Variants in ATP9A observed in about 807,000 individuals in gnomAD.
ATP9A encodes ATPase phospholipid transporting 9A, also known as probable phospholipid-transporting ATPase IIA.
A neutral mutation model predicts 144.1 loss-of-function variants in ATP9A; 52 were observed. That is an observed-to-expected ratio of 0.36 (90% CI 0.29 to 0.45). The LOEUF is 0.45. Among genes scored for constraint, ATP9A ranks in the 20% least tolerant of loss-of-function variants. The pLI is 1.00. For missense variants in ATP9A, 947 were observed against 1,392.7 expected, an observed-to-expected ratio of 0.68 and a Z score of 5.09; for synonymous variants, 582 against 557.4, an observed-to-expected ratio of 1.04 and a Z score of -0.62.
chr20:51,697,358 A>T, intron 5 of ATP9A, 66 bp downstream of exon 5: 1 of 1,467,052 alleles, frequency 6.8e-7, no homozygotes. Context: ...CGTCTACCAG[A>T]TACACAAATG....
At chr20:51,630,723 C>T (rs2077266656) in intron 15 of ATP9A, among the ~76,000 whole-genome samples, 7 of 152,132 alleles carry the variant, frequency 4.6e-5, no homozygotes, top group Admixed American at 3.3e-4. Flanking sequence ...GACTGCATCT[C>T]AGGTGCAAAT....
At chr20:51,671,075 C>G in intron 12 of ATP9A, 40 bp downstream of exon 12, 2 of 1,599,458 alleles carry the variant, frequency 1.3e-6, no homozygotes, top group Non-Finnish European at 1.7e-6. Flanking sequence ...GGCATCTTCT[C>G]TCACCAGGAA....
At chr20:51,692,620 G>A (rs148391668) in intron 7 of ATP9A, among the ~76,000 whole-genome samples, 1 of 152,240 alleles carries the variant, frequency 6.6e-6, no homozygotes, top group East Asian at 1.9e-4. Context: ...TGGCCAACAC[G>A]GTGAAACCGT....
intron 22 of ATP9A, among the ~76,000 whole-genome samples, chr20:51,614,343 C>T (rs1011852456): frequency 1.3e-5 from 2 of 152,130 alleles, no homozygotes; most frequent in Non-Finnish European, 2.9e-5. Flanking sequence ...CTCTGTCACG[C>T]AGGCTGGAGT....
intron 4 of ATP9A, among the ~76,000 whole-genome samples, chr20:51,699,163 G>A (rs2077582710): frequency 6.6e-6 from 1 of 151,976 alleles, no homozygotes; most frequent in African/African-American, 2.4e-5. Context: ...CAAACATGGT[G>A]AAATCCTGTC....
intron 3 of ATP9A, among the ~76,000 whole-genome samples, chr20:51,713,839 C>T (rs2077650317): frequency 6.6e-6 from 1 of 152,168 alleles, no homozygotes; most frequent in Admixed American, 6.5e-5. Context: ...GATTTCTCTG[C>T]CGGGAAGGAG....
At chr20:51,686,701 G>C (rs1012995552) in intron 9 of ATP9A, among the ~76,000 whole-genome samples, 3 of 152,162 alleles carry the variant, frequency 2.0e-5, no homozygotes, top group African/African-American at 7.2e-5. Context: ...TTGGGAGGCC[G>C]AGGCAGGTGG....
chr20:51,759,143 C>G (rs568831092), intron 1 of ATP9A, among the ~76,000 whole-genome samples: 2 of 152,352 alleles, frequency 1.3e-5, no homozygotes, highest in South Asian at 4.1e-4. Context: ...TGGGCGCTGG[C>G]AGAGGACAGA....
chr20:51,685,627 A>C (rs1453593450), intron 9 of ATP9A, among the ~76,000 whole-genome samples: 1 of 152,178 alleles, frequency 6.6e-6, no homozygotes, highest in Non-Finnish European at 1.5e-5. Flanking sequence ...GCTCATCATC[A>C]CTGGCCATCA....
At chr20:51,748,161 T>G (rs553499160) in intron 1 of ATP9A, among the ~76,000 whole-genome samples, 1 of 152,114 alleles carries the variant, frequency 6.6e-6, no homozygotes, top group Non-Finnish European at 1.5e-5. Context: ...AAAAAATACA[T>G]AGGCCAGGTG....
chr20:51,621,213 T>G (rs4809856), intron 19 of ATP9A, among the ~76,000 whole-genome samples: 31,014 of 151,174 alleles, frequency 0.21, 3,646 homozygotes, highest in African/African-American at 0.33. Context: ...TCAAGAGTAC[T>G]GATTTGGAGG....
rs556883609 is a variant in ATP9A at position 51,748,936 on chromosome 20, T to C, written c.69-18958A>G. Among the ~76,000 whole-genome samples, 504 of 128,470 alleles carry C rather than the reference T, an allele frequency of 3.9e-3. 6 individuals are homozygous for C. Among genetic ancestry groups the C allele is most frequent in the African/African-American group, 0.011 (368 of 32,642 alleles). The allele number at this position is 128,470 out of a possible 152,430, so 84.3% of individuals were successfully genotyped here. ...ATAGATAGATAGATAGATAGATAGATAGATAGATAGATAGACAGACAGACA... is the reference window on the plus strand; with the variant it reads ...ATAGATAGATAGATAGATAGATAGACAGATAGATAGATAGACAGACAGACA... On this transcript the variant is annotated intron_variant, in intron 1 of 27. Coordinates refer to ENST00000338821, the MANE Select transcript of ATP9A (RefSeq NM_006045.3).
chr20:51,758,883 C>A (rs987990113), intron 1 of ATP9A, among the ~76,000 whole-genome samples: 8 of 151,918 alleles, frequency 5.3e-5, no homozygotes, highest in African/African-American at 1.9e-4. Context: ...CGAGATCATA[C>A]CACTGCACTC....
At chr20:51,648,366 C>T (rs1441574857) in intron 14 of ATP9A, among the ~76,000 whole-genome samples, 1 of 152,128 alleles carries the variant, frequency 6.6e-6, no homozygotes, top group Non-Finnish European at 1.5e-5. Context: ...AGGAGACAAA[C>T]GGGACCTTTT....
intron 15 of ATP9A, among the ~76,000 whole-genome samples, chr20:51,630,291 T>C (rs2426319): frequency 0.44 from 67,432 of 152,100 alleles, 15,718 homozygotes; most frequent in East Asian, 0.68. Flanking sequence ...GCAGTAAAGA[T>C]AAGCAAGAAA....
Position 51,610,081 on chromosome 20 carries a change from C to T in ATP9A, c.2636+20G>A. 1 of 1,564,760 alleles carries T rather than the reference C, an allele frequency of 6.4e-7. No homozygotes were observed. ...AAGAAGGTTTTGTAAACAATTAATT[C>T]CTTGGCAGGATTTCCTTACCCAATG... On this transcript the variant is annotated intron_variant, in intron 24 of 27. Transcript: ENST00000338821.
At chr20:51,682,125 C>T (rs2077502333) in intron 9 of ATP9A, among the ~76,000 whole-genome samples, 1 of 152,046 alleles carries the variant, frequency 6.6e-6, no homozygotes, top group African/African-American at 2.4e-5. Context: ...GATCAGAAAA[C>T]ACTACCTATT....
intron 1 of ATP9A, among the ~76,000 whole-genome samples, chr20:51,737,335 C>T (rs1156805788): frequency 2.6e-5 from 4 of 152,212 alleles, no homozygotes; most frequent in African/African-American, 9.6e-5. Context: ...CTTTGAGCCA[C>T]TTATCAATTT....
intron 1 of ATP9A, among the ~76,000 whole-genome samples, chr20:51,730,652 T>A (rs1353757647): frequency 6.6e-6 from 1 of 152,220 alleles, no homozygotes; most frequent in Non-Finnish European, 1.5e-5. Context: ...CTAGGCTGAA[T>A]GGTACAGCCT....
Sources: gnomAD v4.1 joint callset for allele counts (sites outside exome capture counted in the v4.1 genomes callset) on GRCh38, gnomAD v4.1.1 for gene constraint, MANE v1.5 for transcripts, NCBI Gene and HGNC (gene_info 2026-07-23, HGNC 2026-07-21) for gene names.